The following KIAA1217 variants were observed in gnomAD, a reference collection of about 807,000 sequenced individuals.
The protein encoded by KIAA1217 is KIAA1217, also known as sickle tail protein homolog.
In KIAA1217, 88 loss-of-function variants were observed where a neutral mutation model predicts 163.9. The ratio of observed to expected loss-of-function variants is 0.54; its 90% confidence interval spans 0.45 to 0.64. The LOEUF is 0.64. Ranked by LOEUF, KIAA1217 falls within the 30% of genes least tolerant of loss-of-function variation. The pLI is 0.00. For synonymous variants in KIAA1217, 903 were observed against 923.1 expected, an observed-to-expected ratio of 0.98 and a Z score of 0.39; for missense variants, 2,372 against 2,475.0, an observed-to-expected ratio of 0.96 and a Z score of 0.88.
chr10:24,062,065 C>T (rs953324628), intron 2 of KIAA1217, among the ~76,000 whole-genome samples: 4 of 151,974 alleles, frequency 2.6e-5, no homozygotes, highest in African/African-American at 9.7e-5. Flanking sequence ...TTTGACTTTA[C>T]TGATTCTTCT....
intron 5 of KIAA1217, among the ~76,000 whole-genome samples, chr10:24,439,771 C>T (rs546032167): frequency 6.6e-6 from 1 of 152,192 alleles, no homozygotes; most frequent in Admixed American, 6.5e-5. Context: ...ATGCTCACAT[C>T]CCTAACCCTC....
chr10:23,776,575 C>A (rs189119842), intron 1 of KIAA1217, among the ~76,000 whole-genome samples: 80 of 150,082 alleles, frequency 5.3e-4, no homozygotes, highest in African/African-American at 1.8e-3. Flanking sequence ...TTAATGAAAT[C>A]TAAAATTAAT....
At chr10:24,388,047 A>G (rs2054271063) in intron 3 of KIAA1217, among the ~76,000 whole-genome samples, 1 of 152,220 alleles carries the variant, frequency 6.6e-6, no homozygotes, top group South Asian at 2.1e-4. Context: ...AGAATTGGAA[A>G]AGACTACTTT....
rs1366056659 is a variant in KIAA1217 at position 24,211,579 on chromosome 10, TG to T, written c.70+2317del. Among the ~76,000 whole-genome samples, 2 of 145,980 alleles carry T rather than the reference TG, an allele frequency of 1.4e-5. 1 individual carries two copies. Among genetic ancestry groups the T allele is most frequent in the Non-Finnish European group, 3.0e-5 (2 of 66,602 alleles). On this transcript the variant is annotated intron_variant, in intron 1 of 20. Transcript: ENST00000376454. ...TGTATTGTATTGTATTGTATTGTAT[TG>T]TATTGTATTGTATTTTATTTTATTT...
rs185801337 is a variant in KIAA1217 at position 23,717,491 on chromosome 10, G to A, written c.-321+22257G>A. On this transcript the variant is annotated intron_variant, in intron 1 of 18. Coordinates refer to the KIAA1217 transcript ENST00000376462. ...GGCCATACTCTCCAGAATAATATAG[G>A]TCACCCTAAAGTCACCCCAACATGG... Among the ~76,000 whole-genome samples the A allele has an allele frequency of 7.8e-4, 119 of 152,120 alleles. 2 individuals carry two copies. Among genetic ancestry groups the A allele is most frequent in the Admixed American group, 3.5e-3 (53 of 15,254 alleles).
chr10:24,091,935 G>T (rs561013909), intron 2 of KIAA1217, among the ~76,000 whole-genome samples: 1 of 151,654 alleles, frequency 6.6e-6, no homozygotes, highest in Non-Finnish European at 1.5e-5. Context: ...AAAAGATCAC[G>T]TGAAGGTCAG....
intron 2 of KIAA1217, among the ~76,000 whole-genome samples, chr10:24,301,498 G>A (rs2041329742): frequency 6.6e-6 from 1 of 152,108 alleles, no homozygotes. Context: ...GTGCAGCATA[G>A]TGCTCAGGGC....
At chr10:23,771,650 G>T (rs1834799580) in intron 1 of KIAA1217, among the ~76,000 whole-genome samples, 1 of 152,208 alleles carries the variant, frequency 6.6e-6, no homozygotes, top group East Asian at 1.9e-4. Context: ...TGGAGATCCA[G>T]CTTTCTTTCA....
chr10:24,397,689 G>A (rs542295723), intron 3 of KIAA1217, among the ~76,000 whole-genome samples: 29 of 152,202 alleles, frequency 1.9e-4, no homozygotes, highest in Non-Finnish European at 4.1e-4. Flanking sequence ...TCTCTTATGA[G>A]AGCAGTGACT....
chr10:23,817,883 G>A (rs1282085683), intron 1 of KIAA1217, among the ~76,000 whole-genome samples: 1 of 146,380 alleles, frequency 6.8e-6, no homozygotes, highest in Admixed American at 7.0e-5. Flanking sequence ...TGAGGCCAGG[G>A]GTTCAAGAAC....
chr10:24,118,126 G>A (rs1810570818), intron 2 of KIAA1217, among the ~76,000 whole-genome samples: 1 of 148,260 alleles, frequency 6.7e-6, no homozygotes, highest in South Asian at 2.1e-4. Context: ...ACCTGCACAT[G>A]TACCCCTGAG....
At chr10:23,820,559 A>G (rs1837570885) in intron 1 of KIAA1217, among the ~76,000 whole-genome samples, 1 of 152,226 alleles carries the variant, frequency 6.6e-6, no homozygotes, top group Admixed American at 6.5e-5. Flanking sequence ...TTATGGAGGA[A>G]GTGAGTTTTG....
At chr10:24,293,362 C>T (rs1327682819) in intron 2 of KIAA1217, among the ~76,000 whole-genome samples, 1 of 152,188 alleles carries the variant, frequency 6.6e-6, no homozygotes, top group Non-Finnish European at 1.5e-5. Context: ...TGAGCCACCG[C>T]GCCTGGCTGG....
intron 5 of KIAA1217, among the ~76,000 whole-genome samples, chr10:24,443,773 A>G (rs1291077897): frequency 6.6e-6 from 1 of 152,184 alleles, no homozygotes; most frequent in South Asian, 2.1e-4. Context: ...ATAATAGGTT[A>G]GTGGTTATGT....
At chr10:23,696,987 G>A (rs1836085247) in intron 1 of KIAA1217, among the ~76,000 whole-genome samples, 1 of 152,210 alleles carries the variant, frequency 6.6e-6, no homozygotes, top group East Asian at 1.9e-4. Flanking sequence ...GAAGGCAAGA[G>A]GGAAGAGAAA....
At chr10:24,080,836 A>T (rs2061514977) in intron 2 of KIAA1217, among the ~76,000 whole-genome samples, 1 of 142,440 alleles carries the variant, frequency 7.0e-6, no homozygotes, top group Admixed American at 6.7e-5. Context: ...TCAGATTGAA[A>T]ACACAATGAT....
At chr10:24,367,715 T>A in intron 2 of KIAA1217, among the ~76,000 whole-genome samples, 1 of 152,198 alleles carries the variant, frequency 6.6e-6, no homozygotes, top group East Asian at 1.9e-4. Flanking sequence ...ATGATCATAA[T>A]GGAAATAAAC....
At chr10:23,821,228 A>G (rs1317038725) in intron 1 of KIAA1217, among the ~76,000 whole-genome samples, 1 of 152,158 alleles carries the variant, frequency 6.6e-6, no homozygotes, top group African/African-American at 2.4e-5. Context: ...ATCAGTTATT[A>G]GAAGTGGAAA....
At chr10:24,025,865 A>T (rs1847920320) in intron 2 of KIAA1217, among the ~76,000 whole-genome samples, 1 of 151,782 alleles carries the variant, frequency 6.6e-6, no homozygotes, top group African/African-American at 2.4e-5. Flanking sequence ...ATCTTCCGTG[A>T]CCTTACTAAA....
Sources: allele counts gnomAD v4.1 joint callset (sites outside exome capture counted in the v4.1 genomes callset), GRCh38; gene constraint gnomAD v4.1.1; transcripts MANE v1.5; gene names NCBI Gene and HGNC (gene_info 2026-07-23, HGNC 2026-07-21).